TSEN2: variants seen among roughly 807,000 people sequenced by gnomAD.
TSEN2 encodes tRNA-splicing endonuclease subunit Sen2.
A neutral mutation model predicts 59.2 loss-of-function variants in TSEN2; 54 were observed. The observed-to-expected ratio is 0.91, with a 90% CI of 0.73 to 1.14. TSEN2 has a LOEUF of 1.14. TSEN2 is among the 50% of genes most tolerant of loss of function. The probability of loss-of-function intolerance (pLI) is 0.00; values close to 1 mark genes in which losing one functional copy is unlikely to be tolerated. For synonymous variants in TSEN2, 195 were observed against 198.2 expected (o/e 0.98, Z 0.14); for missense variants, 636 against 576.2 (o/e 1.10, Z -1.06).
chr3:12,490,616 C>G (rs536861735), intron 2 of TSEN2, among the ~76,000 whole-genome samples: 1 of 152,200 alleles, frequency 6.6e-6, no homozygotes, highest in Non-Finnish European at 1.5e-5. Context: ...TTATAATTTA[C>G]AACTATAAAG....
rs2054548844 is a variant in TSEN2 at position 12,503,841 on chromosome 3, G to T, written c.831+57G>T. On this transcript the variant is annotated intron_variant, in intron 5 of 11. Coordinates refer to ENST00000284995, the MANE Select transcript of TSEN2 (RefSeq NM_025265.4). ...AAGCCATCCGTTCCTGGAGATGTTG[G>T]CTAATAGGGATGTCTTTTGCCTGCA... 7.6e-6 allele frequency: 12 copies of T among 1,574,492 alleles called. No homozygotes were observed. In the East Asian group the frequency reaches 2.8e-4, roughly 36 times the overall value.
intron 3 of TSEN2, among the ~76,000 whole-genome samples, 181 bp from the exon 4 acceptor site, chr3:12,496,337 A>C (rs769327622): frequency 6.6e-6 from 1 of 152,224 alleles, no homozygotes; most frequent in Non-Finnish European, 1.5e-5. Context: ...AGCACCTGCC[A>C]AGGGTATGGG....
At chr3:12,526,611 A>G (rs1307257416) in intron 8 of TSEN2, among the ~76,000 whole-genome samples, 1 of 152,248 alleles carries the variant, frequency 6.6e-6, no homozygotes, top group East Asian at 1.9e-4. Context: ...TCATTAAGCC[A>G]CACAGACTGT....
chr3:12,516,409 A>G (rs2056089481), intron 6 of TSEN2, among the ~76,000 whole-genome samples: 1 of 151,688 alleles, frequency 6.6e-6, no homozygotes, highest in African/African-American at 2.4e-5. Context: ...TGGACGACAG[A>G]GTGAGACTCC....
intron 11 of TSEN2, 41 bp downstream of exon 11, chr3:12,531,700 T>G: frequency 7.6e-7 from 1 of 1,320,484 alleles, no homozygotes; most frequent in Non-Finnish European, 1.1e-6. Flanking sequence ...CCAAAGATTC[T>G]GTGAATCATA....
At chr3:12,494,395 T>C (rs1317393920) in intron 3 of TSEN2, among the ~76,000 whole-genome samples, 4 of 152,194 alleles carry the variant, frequency 2.6e-5, no homozygotes, top group African/African-American at 9.6e-5. Context: ...TATTTTATTA[T>C]ATTTTTTGAG....
At chr3:12,529,204 C>T (rs750094725) in intron 9 of TSEN2, among the ~76,000 whole-genome samples, 1 of 152,146 alleles carries the variant, frequency 6.6e-6, no homozygotes, top group Non-Finnish European at 1.5e-5. Context: ...CGGTGGCTCA[C>T]GCCTGTAATC....
At chr3:12,503,979 A>C (rs1392128497) in intron 5 of TSEN2, among the ~76,000 whole-genome samples, 195 bp downstream of exon 5, 1 of 152,224 alleles carries the variant, frequency 6.6e-6, no homozygotes, top group Non-Finnish European at 1.5e-5. Flanking sequence ...TTTTAAAAAA[A>C]TTTATAAAAT....
At chr3:12,511,673 C>T (rs768801760) in intron 6 of TSEN2, among the ~76,000 whole-genome samples, 81 of 151,184 alleles carry the variant, frequency 5.4e-4, no homozygotes, top group Non-Finnish European at 4.3e-4. Context: ...CCCAAGCAGT[C>T]CTCCCATCTC....
At chr3:12,503,186 G>A (rs1315969580) in intron 4 of TSEN2, 76 bp from the exon 5 acceptor site, 3 of 1,559,592 alleles carry the variant, frequency 1.9e-6, no homozygotes, top group Non-Finnish European at 2.7e-6. Flanking sequence ...TCACCTTCCA[G>A]TCTGTTTTAT....
Position 12,529,921 on chromosome 3 carries a change from GT to G in TSEN2, c.1248+61del, listed in dbSNP as rs35445022. Reference sequence around the variant, plus strand: ...ATTGGAGTGTCACTTAAATGGTTCAGTTTTTTTTTTTTTCTTAAATGTAGTA... The same window carrying G: ...ATTGGAGTGTCACTTAAATGGTTCAGTTTTTTTTTTTTCTTAAATGTAGTA... On this transcript the variant is annotated intron_variant, in intron 10 of 11. Transcript: ENST00000284995. The G allele has an allele frequency of 0.17, 251,388 of 1,501,810 alleles. 2,936 individuals carry two copies. The highest frequency in any genetic ancestry group is 0.19 in the Non-Finnish European group (208,927 of 1,116,238). 93.0% of individuals were successfully genotyped at this position (1,501,810 alleles called of 1,614,324 possible). A position where few individuals can be genotyped will look rare whatever the true frequency, so the allele number is the denominator to read the frequency against.
At chr3:12,483,447 C>T (rs113542387), upstream of TSEN2, among the ~76,000 whole-genome samples, 24 of 152,266 alleles carry the variant, frequency 1.6e-4, no homozygotes, top group Admixed American at 9.2e-4. Flanking sequence ...CTGCAGAGCA[C>T]AGAGGCAAGT....
intron 10 of TSEN2, chr3:12,539,003 G>A (rs2057746455): frequency 3.0e-6 from 1 of 332,432 alleles, no homozygotes; most frequent in Non-Finnish European, 5.8e-6. Flanking sequence ...TTCAGTCATT[G>A]CTGGGCTCGT....
chr3:12,534,214 T>G (rs1460506942), downstream of TSEN2, among the ~76,000 whole-genome samples: 1 of 152,218 alleles, frequency 6.6e-6, no homozygotes, highest in Non-Finnish European at 1.5e-5. Flanking sequence ...GGGTGCAGCC[T>G]GAAGCCCCCT....
downstream of TSEN2, among the ~76,000 whole-genome samples, chr3:12,537,439 C>G (rs531655800): frequency 6.6e-6 from 1 of 152,122 alleles, no homozygotes; most frequent in Admixed American, 6.5e-5. Context: ...GCTGCAGCCC[C>G]TAAGGGAAAT....
At chr3:12,486,015 G>T (rs1358139674) in intron 1 of TSEN2, among the ~76,000 whole-genome samples, 2 of 152,126 alleles carry the variant, frequency 1.3e-5, no homozygotes, top group Admixed American at 1.3e-4. Context: ...ATCTAGAGAA[G>T]ACTTAAAGTA....
At chr3:12,495,915 C>A (rs1171085561) in intron 3 of TSEN2, among the ~76,000 whole-genome samples, 3 of 152,200 alleles carry the variant, frequency 2.0e-5, no homozygotes, top group Non-Finnish European at 4.4e-5. Context: ...GGCAAGTTAA[C>A]TACAACCAAA....
At chr3:12,515,595 G>A (rs868431045) in intron 6 of TSEN2, among the ~76,000 whole-genome samples, 1 of 152,206 alleles carries the variant, frequency 6.6e-6, no homozygotes, top group Non-Finnish European at 1.5e-5. Flanking sequence ...GCCCTGGACA[G>A]GCAAAGCCAA....
At chr3:12,481,031 C>G (rs1010521799), upstream of TSEN2, among the ~76,000 whole-genome samples, 1 of 152,312 alleles carries the variant, frequency 6.6e-6, no homozygotes, top group South Asian at 2.1e-4. Flanking sequence ...TAAATAAGAT[C>G]ATGGATGCAA....
Sources: allele counts gnomAD v4.1 joint callset (sites outside exome capture counted in the v4.1 genomes callset), GRCh38; gene constraint gnomAD v4.1.1; transcripts MANE v1.5; gene names NCBI Gene and HGNC (gene_info 2026-07-23, HGNC 2026-07-21).